Variants in MIGA1 observed in about 807,000 individuals in gnomAD.
The protein encoded by MIGA1 is mitoguardin 1, also known as family with sequence similarity 73, member A.
MIGA1 carries 58 observed loss-of-function variants against 82.0 expected under a neutral mutation model. That is an observed-to-expected ratio of 0.71 (90% CI 0.57 to 0.88). MIGA1 has a LOEUF of 0.88. MIGA1 is among the 40% of genes least tolerant of loss of function. The pLI, the probability that MIGA1 is intolerant of heterozygous loss-of-function variation, is 0.00. For synonymous variants in MIGA1, 249 were observed against 253.6 expected, an observed-to-expected ratio of 0.98 and a Z score of 0.17; for missense variants, 751 against 749.1, an observed-to-expected ratio of 1.00 and a Z score of -0.03.
chr1:77,780,585 C>G (rs77702727), intron 1 of MIGA1, among the ~76,000 whole-genome samples: 7,468 of 152,164 alleles, frequency 0.049, 248 homozygotes, highest in African/African-American at 0.1. Context: ...TTTAAGATGT[C>G]TAAGAAACTG....
intron 2 of MIGA1, among the ~76,000 whole-genome samples, chr1:77,800,436 T>C (rs1682831071): frequency 6.6e-6 from 1 of 152,234 alleles, no homozygotes; most frequent in African/African-American, 2.4e-5. Context: ...GGTTGCCCTC[T>C]GATCTCCGTA....
intron 7 of MIGA1, among the ~76,000 whole-genome samples, chr1:77,838,415 A>G (rs1234688184): frequency 6.6e-6 from 1 of 151,290 alleles, no homozygotes; most frequent in Non-Finnish European, 1.5e-5. Context: ...AGCTGTCCTG[A>G]TGCTCAGGCT....
At chr1:77,844,479 A>G (rs1684764962) in intron 8 of MIGA1, among the ~76,000 whole-genome samples, 1 of 152,196 alleles carries the variant, frequency 6.6e-6, no homozygotes, top group Non-Finnish European at 1.5e-5. Flanking sequence ...CTGAATTATA[A>G]ATCTGTGGAT....
chr1:77,801,017 A>G (rs1682860054), intron 2 of MIGA1, among the ~76,000 whole-genome samples: 1 of 152,174 alleles, frequency 6.6e-6, no homozygotes, highest in African/African-American at 2.4e-5. Context: ...TGATTCAGAC[A>G]GAAGATTCAG....
chr1:77,813,828 A>G lies in MIGA1; in HGVS notation c.732A>G (p.Lys244=). 6.2e-7 allele frequency: 1 copy of G among 1,614,224 alleles called. No individual in the cohort carries two copies. Among genetic ancestry groups the G allele is most frequent in the Non-Finnish European group, 8.5e-7 (1 of 1,180,040 alleles). Residue 244 remains lysine, a synonymous_variant, in exon 6 of 16, where the codon AAA becomes AAG. Coordinates refer to ENST00000370791, the MANE Select transcript of MIGA1 (RefSeq NM_198549.4). ...AAGATGAAGCCTGTGGTTCCATTAA[A>G]CTGGGTGCAGGAGATGCCATTGCTG...
intron 8 of MIGA1, among the ~76,000 whole-genome samples, chr1:77,851,561 G>A (rs1685051242): frequency 6.6e-6 from 1 of 152,094 alleles, no homozygotes; most frequent in Non-Finnish European, 1.5e-5. Flanking sequence ...TTCAACCAAT[G>A]TTTTAATGAG....
rs1684776129 is a variant in MIGA1, at chr1:77,844,832, A to AT, written c.996+1427dup. 7.9e-5 allele frequency among the ~76,000 whole-genome samples: 12 copies of AT among 152,270 alleles called. No homozygotes were observed. The South Asian group carries it at 2.5e-3, about 32-fold the overall frequency. On this transcript the variant is annotated intron_variant, in intron 8 of 15. Transcript: ENST00000370791. Reference sequence around the variant, plus strand: ...CACCATCCCTACAAAAAATTAAAAAATTAGCCGGGCATGGTGGTGCATGCC... The same window carrying AT: ...CACCATCCCTACAAAAAATTAAAAAATTTAGCCGGGCATGGTGGTGCATGCC...
intron 2 of MIGA1, among the ~76,000 whole-genome samples, chr1:77,784,065 A>G (rs1408034809): frequency 6.6e-6 from 1 of 152,130 alleles, no homozygotes. Context: ...GTGTTTGTTG[A>G]TGGACATTGG....
In MIGA1 at chr1:77,779,743, G is replaced by A. The variant is rs1159548791; in HGVS notation, c.81+7G>A. On this transcript the variant is annotated splice_region_variant and intron_variant, in intron 1 of 15. Coordinates refer to ENST00000370791, the MANE Select transcript of MIGA1 (RefSeq NM_198549.4). ...ACCTGGCCTGGAGCTCCAGGTACAG[G>A]GCCAGGGGCGGGGTGGGGTGGAGAG... 6.4e-7 allele frequency: 1 copy of A among 1,560,626 alleles called. No individual in the cohort carries two copies. Among genetic ancestry groups the A allele is most frequent in the Non-Finnish European group, 8.7e-7 (1 of 1,152,376 alleles).
At position 77,801,393 on chromosome 1, in the gene MIGA1, A is replaced by T. The variant is rs763218684; in HGVS notation, c.258A>T (p.Val86=). 1.2e-6 allele frequency: 2 copies of T among 1,607,024 alleles called. No homozygotes were observed. The highest frequency in any genetic ancestry group is 1.3e-5 in the African/African-American group (1 of 74,602). Residue 86 remains valine (V), a synonymous_variant, in exon 3 of 16, where the codon GTA becomes GTT. Coordinates refer to ENST00000370791, the MANE Select transcript of MIGA1 (RefSeq NM_198549.4). ...TAACTGCAGTGAGTGCTATATCTGT[A>T]ATTTTTCTGGCTCATCACTTTAAAA... is the stretch of plus-strand genomic sequence containing the variant.
chr1:77,799,883 T>C (rs1424495191), intron 2 of MIGA1, among the ~76,000 whole-genome samples: 5 of 152,066 alleles, frequency 3.3e-5, no homozygotes, highest in Non-Finnish European at 5.9e-5. Context: ...GTTGGTCTTA[T>C]TGATTTCTGC....
intron 7 of MIGA1, among the ~76,000 whole-genome samples, chr1:77,834,488 T>C (rs371651094): frequency 1.3e-5 from 2 of 152,244 alleles, no homozygotes; most frequent in East Asian, 3.8e-4. Context: ...AGTTCTCTTT[T>C]CTTTTGTTTC....
In MIGA1 at chr1:77,848,907, T is replaced by C. The variant is rs966599557; in HGVS notation, c.996+5500T>C. The C allele has an allele frequency of 7.1e-6, 4 of 566,012 alleles. No individual in the cohort carries two copies. In the African/African-American group the frequency reaches 7.7e-5, roughly 11 times the overall value. The allele number at this position is 566,012 out of a possible 1,614,324, so 35.1% of individuals were successfully genotyped here. On this transcript the variant is annotated intron_variant, in intron 8 of 15. Coordinates refer to ENST00000370791, the MANE Select transcript of MIGA1 (RefSeq NM_198549.4). ...TGTGTTACCAGTAGTTTGGAGGGCA[T>C]TTTAAAATTTATTTTCAAAATTTTA...
At chr1:77,873,877 T>G (rs1024598212) in intron 15 of MIGA1, among the ~76,000 whole-genome samples, 1 of 152,210 alleles carries the variant, frequency 6.6e-6, no homozygotes, top group African/African-American at 2.4e-5. Context: ...TCAGAACACG[T>G]TGATTTTTGT....
At chr1:77,825,575 G>A (rs1321906915) in intron 7 of MIGA1, among the ~76,000 whole-genome samples, 1 of 152,078 alleles carries the variant, frequency 6.6e-6, no homozygotes, top group Non-Finnish European at 1.5e-5. Context: ...GTATGCACCT[G>A]GTACTGTAAC....
At chr1:77,805,320 A>G (rs889870208) in intron 4 of MIGA1, among the ~76,000 whole-genome samples, 9 of 151,936 alleles carry the variant, frequency 5.9e-5, no homozygotes, top group Admixed American at 5.9e-4. Context: ...TCACTGGAAT[A>G]TATAGCTGCC....
At chr1:77,791,422 C>T (rs1350312669) in intron 2 of MIGA1, among the ~76,000 whole-genome samples, 1 of 151,908 alleles carries the variant, frequency 6.6e-6, no homozygotes, top group African/African-American at 2.4e-5. Context: ...TATGGATGTA[C>T]CACAATTTGT....
intron 7 of MIGA1, among the ~76,000 whole-genome samples, chr1:77,836,136 T>G (rs1371269149): frequency 2.6e-5 from 4 of 152,078 alleles, no homozygotes; most frequent in African/African-American, 7.2e-5. Flanking sequence ...ATGTAAGTGT[T>G]TGTTATGTGT....
At chr1:77,780,774 T>C in intron 1 of MIGA1, among the ~76,000 whole-genome samples, 1 of 152,156 alleles carries the variant, frequency 6.6e-6, no homozygotes, top group East Asian at 1.9e-4. Context: ...GACTAGTTTT[T>C]TGTTTTTTTT....
Sources: gnomAD v4.1 joint callset for allele counts (sites outside exome capture counted in the v4.1 genomes callset) on GRCh38, gnomAD v4.1.1 for gene constraint, MANE v1.5 for transcripts, NCBI Gene and HGNC (gene_info 2026-07-23, HGNC 2026-07-21) for gene names.